CA13: variants seen among roughly 807,000 people sequenced by gnomAD.
The protein encoded by CA13 is CA-XIII.
A neutral mutation model predicts 31.5 loss-of-function variants in CA13; 21 were observed. The observed-to-expected ratio is 0.67, with a 90% CI of 0.47 to 0.96. The LOEUF (loss-of-function observed/expected upper bound fraction) is 0.96, where lower values mean the gene tolerates loss of function less well. Ranked by LOEUF, CA13 falls within the 40% of genes least tolerant of loss-of-function variation. The pLI, the probability that CA13 is intolerant of heterozygous loss-of-function variation, is 0.00. For missense variants in CA13, 315 were observed against 318.9 expected (o/e 0.99, Z 0.09); for synonymous variants, 117 against 111.4 (o/e 1.05, Z -0.32).
chr8:85,266,815 G>T, intron 4 of CA13, 112 bp downstream of exon 4: 1 of 708,482 alleles, frequency 1.4e-6, no homozygotes, highest in Non-Finnish European at 2.3e-6. Context: ...TTTAGGTGTA[G>T]CAGTTTCCTT....
intron 6 of CA13, among the ~76,000 whole-genome samples, chr8:85,273,756 G>A (rs964531136): frequency 3.9e-5 from 6 of 151,988 alleles, no homozygotes; most frequent in Non-Finnish European, 7.4e-5. Context: ...GCCTCAGCCT[G>A]TCTGCCCCCA....
At chr8:85,246,273 C>G (rs1348527702) in intron 1 of CA13, 3 of 465,694 alleles carry the variant, frequency 6.4e-6, no homozygotes, top group Non-Finnish European at 8.5e-6. Context: ...GCTCACTATT[C>G]ACTTAGGAGA....
At chr8:85,257,723 A>G (rs541517336) in intron 2 of CA13, among the ~76,000 whole-genome samples, 1 of 150,032 alleles carries the variant, frequency 6.7e-6, no homozygotes, top group African/African-American at 2.4e-5. Flanking sequence ...AAAAACAAAA[A>G]CGAACAAACC....
chr8:85,251,507 T>C (rs928534573), intron 2 of CA13, among the ~76,000 whole-genome samples: 1 of 152,234 alleles, frequency 6.6e-6, no homozygotes, highest in African/African-American at 2.4e-5. Flanking sequence ...TAACTTCACT[T>C]AGCATTTACC....
chr8:85,276,094 G>C (rs1055099531), intron 6 of CA13, among the ~76,000 whole-genome samples: 1 of 152,244 alleles, frequency 6.6e-6, no homozygotes, highest in East Asian at 1.9e-4. Flanking sequence ...GGGGCTGCGG[G>C]CGGTGCTTGC....
chr8:85,249,936 C>G (rs921467667), intron 1 of CA13: 9 of 348,450 alleles, frequency 2.6e-5, no homozygotes, highest in African/African-American at 1.3e-4. Flanking sequence ...TTTCAATTTC[C>G]CTAACATGTC....
chr8:85,252,881 T>G (rs766195316), intron 2 of CA13, among the ~76,000 whole-genome samples: 3 of 152,146 alleles, frequency 2.0e-5, no homozygotes, highest in Non-Finnish European at 4.4e-5. Flanking sequence ...TTAGCAAAAA[T>G]TATAAGCCCA....
At position 85,245,663 on chromosome 8, in the gene CA13, TG is replaced by T; in HGVS notation, c.-164del. 1 of 727,668 alleles carries T rather than the reference TG, an allele frequency of 1.4e-6. No individual in the cohort carries two copies. Among genetic ancestry groups the T allele is most frequent in the Non-Finnish European group, 2.3e-6 (1 of 427,838 alleles). 45.1% of individuals were successfully genotyped at this position (727,668 alleles called of 1,614,324 possible). ...GCCTTCCCCGCACGCCTCTGCCGTC[TG>T]GAGGACGCAGGCGGGAGCGCCCCGG... On this transcript the variant is annotated 5_prime_UTR_variant, in exon 1 of 7. Coordinates refer to ENST00000321764, the MANE Select transcript of CA13 (RefSeq NM_198584.3).
At chr8:85,275,389 A>G (rs933983996) in intron 6 of CA13, among the ~76,000 whole-genome samples, 4 of 152,058 alleles carry the variant, frequency 2.6e-5, no homozygotes, top group African/African-American at 7.2e-5. Flanking sequence ...TTGGGATGCT[A>G]GTAAGTAAGG....
intron 1 of CA13, among the ~76,000 whole-genome samples, chr8:85,250,336 T>G (rs1421701180): frequency 6.6e-6 from 1 of 152,250 alleles, no homozygotes; most frequent in Non-Finnish European, 1.5e-5. Context: ...CTTTCTCAGC[T>G]TTTTTGACTC....
chr8:85,267,581 C>G (rs1241219583), intron 4 of CA13, among the ~76,000 whole-genome samples: 1 of 152,126 alleles, frequency 6.6e-6, no homozygotes, highest in African/African-American at 2.4e-5. Context: ...ATTTGTTAGA[C>G]TGTCTTATGC....
chr8:85,276,469 T>G (rs1207878040), intron 6 of CA13, among the ~76,000 whole-genome samples: 1 of 152,252 alleles, frequency 6.6e-6, no homozygotes, highest in Non-Finnish European at 1.5e-5. Context: ...CGAGATCCAC[T>G]GGGTGAAGCC....
intron 6 of CA13, among the ~76,000 whole-genome samples, chr8:85,271,302 A>G (rs996159437): frequency 2.1e-4 from 32 of 152,324 alleles, no homozygotes; most frequent in Admixed American, 4.6e-4. Flanking sequence ...GCCTATGGAG[A>G]TATGAATACT....
intron 2 of CA13, among the ~76,000 whole-genome samples, chr8:85,253,196 C>T (rs571754844): frequency 4.6e-5 from 7 of 152,256 alleles, no homozygotes; most frequent in African/African-American, 9.6e-5. Context: ...CCGCCCGCCT[C>T]GGCCTCCCAA....
rs1813712742 is a variant in CA13, at chr8:85,245,757, G to A, written c.-72G>A. On this transcript the variant is annotated 5_prime_UTR_variant, in exon 1 of 7. Coordinates refer to ENST00000321764, the MANE Select transcript of CA13 (RefSeq NM_198584.3). Reference sequence around the variant, plus strand: ...GTCCCGCCCTAGCAGGCTCCTTCCCGGGCCCCTCCCCGCTCCCTCCTCTTT... The same window carrying A: ...GTCCCGCCCTAGCAGGCTCCTTCCCAGGCCCCTCCCCGCTCCCTCCTCTTT... 1.3e-6 allele frequency: 2 copies of A among 1,567,566 alleles called. No homozygotes were observed. The highest frequency in any genetic ancestry group is 1.4e-5 in the African/African-American group (1 of 73,840).
chr8:85,255,242 A>G (rs548693603), intron 2 of CA13, among the ~76,000 whole-genome samples: 289 of 150,720 alleles, frequency 1.9e-3, no homozygotes, highest in African/African-American at 6.8e-3. Context: ...TTGGTTGCAC[A>G]CTACCATGCC....
At chr8:85,276,260 C>T (rs531045975) in intron 6 of CA13, among the ~76,000 whole-genome samples, 2 of 152,192 alleles carry the variant, frequency 1.3e-5, no homozygotes, top group Non-Finnish European at 1.5e-5. Flanking sequence ...CTTCCTCCCC[C>T]CGGGGCAGGG....
chr8:85,275,405 T>A (rs1807587484), intron 6 of CA13, among the ~76,000 whole-genome samples: 1 of 152,112 alleles, frequency 6.6e-6, no homozygotes, highest in Admixed American at 6.5e-5. Flanking sequence ...TAAGGGGGAA[T>A]GTCTATCCCC....
intron 6 of CA13, among the ~76,000 whole-genome samples, chr8:85,275,607 T>C (rs1807590886): frequency 6.6e-6 from 1 of 152,128 alleles, no homozygotes; most frequent in Non-Finnish European, 1.5e-5. Context: ...AGTTGTTGGC[T>C]TTTGTTTTGG....
Sources: allele counts gnomAD v4.1 joint callset (sites outside exome capture counted in the v4.1 genomes callset), GRCh38; gene constraint gnomAD v4.1.1; transcripts MANE v1.5; gene names NCBI Gene and HGNC (gene_info 2026-07-23, HGNC 2026-07-21).